Variants in CAMTA1 observed in about 807,000 individuals in gnomAD.
CAMTA1 encodes the protein calmodulin-binding transcription activator 1.
In CAMTA1, 27 loss-of-function variants were observed where a neutral mutation model predicts 170.9. The ratio of observed to expected loss-of-function variants is 0.16; its 90% confidence interval spans 0.12 to 0.22. The LOEUF is 0.22. CAMTA1 is among the 10% of genes least tolerant of loss of function. The pLI is 1.00. For synonymous variants in CAMTA1, 833 were observed against 891.5 expected, an observed-to-expected ratio of 0.93 and a Z score of 1.17; for missense variants, 1,619 against 2,217.2, an observed-to-expected ratio of 0.73 and a Z score of 5.42.
chr1:7,365,826 G>T (rs1350258028), intron 5 of CAMTA1, among the ~76,000 whole-genome samples: 3 of 152,180 alleles, frequency 2.0e-5, no homozygotes, highest in African/African-American at 7.2e-5. Flanking sequence ...CAGGGGAGCT[G>T]GTTCCACCCA....
chr1:7,499,976 C>T (rs1358336212), intron 6 of CAMTA1, among the ~76,000 whole-genome samples: 4 of 136,458 alleles, frequency 2.9e-5, no homozygotes, highest in Non-Finnish European at 4.6e-5. Context: ...GCCTGGTGTG[C>T]GTGCATAGGT....
intron 3 of CAMTA1, among the ~76,000 whole-genome samples, chr1:7,085,557 G>A (rs1335940980): frequency 1.3e-5 from 2 of 152,272 alleles, no homozygotes; most frequent in African/African-American, 2.4e-5. Context: ...TGCTGAGAAC[G>A]TTCCAGAAGC....
intron 6 of CAMTA1, among the ~76,000 whole-genome samples, chr1:7,613,137 G>T (rs1162353488): frequency 6.6e-6 from 1 of 152,214 alleles, no homozygotes; most frequent in Admixed American, 6.5e-5. Flanking sequence ...CAGGAGAGAA[G>T]AGCAGGAAGA....
chr1:7,589,221 G>A lies in CAMTA1; in HGVS notation c.511-51179G>A, dbSNP rs1006033662. ...TCCTGGCAGAGCCAGGCCTTTACTG[G>A]GCACTGGGCTGGGCATTGTGCCTGT... On this transcript the variant is annotated intron_variant, in intron 6 of 22. Coordinates refer to ENST00000303635, the MANE Select transcript of CAMTA1 (RefSeq NM_015215.4). Among the ~76,000 whole-genome samples the A allele has an allele frequency of 3.3e-5, 5 of 152,172 alleles. No homozygotes were observed. In the South Asian group the frequency reaches 1.0e-3, roughly 31 times the overall value.
chr1:7,749,223 A>G (rs1217270438), intron 19 of CAMTA1, among the ~76,000 whole-genome samples: 4 of 152,216 alleles, frequency 2.6e-5, no homozygotes, highest in Non-Finnish European at 4.4e-5. Context: ...TAGGGATTCT[A>G]TCACCTTGTC....
chr1:7,058,556 A>G (rs1392693625), intron 3 of CAMTA1, among the ~76,000 whole-genome samples: 1 of 152,160 alleles, frequency 6.6e-6, no homozygotes, highest in African/African-American at 2.4e-5. Context: ...GAATGAATGA[A>G]TAAGCAAAGA....
chr1:7,129,919 T>TTGTGTGTGTGTG (rs3058550), intron 4 of CAMTA1, among the ~76,000 whole-genome samples: 7 of 147,040 alleles, frequency 4.8e-5, no homozygotes, highest in African/African-American at 1.8e-4. Context: ...CTACCTTCTT[T>TTGTGTGTGTGTG]TGTGTGTGTG....
chr1:7,336,203 C>T (rs936458361), intron 5 of CAMTA1, among the ~76,000 whole-genome samples: 1 of 152,176 alleles, frequency 6.6e-6, no homozygotes. Flanking sequence ...CCCACCTGGT[C>T]CCCCATGAAG....
chr1:7,550,407 G>C (rs2094782628), intron 6 of CAMTA1, among the ~76,000 whole-genome samples: 2 of 151,834 alleles, frequency 1.3e-5, no homozygotes, highest in South Asian at 4.1e-4. Context: ...GGGAAGCCCA[G>C]GGCCTCCCAC....
intron 4 of CAMTA1, among the ~76,000 whole-genome samples, chr1:7,143,193 C>T (rs1645987446): frequency 6.6e-6 from 1 of 152,066 alleles, no homozygotes; most frequent in South Asian, 2.1e-4. Flanking sequence ...CGGGGTGGGC[C>T]GAGACTCAGG....
chr1:7,284,180 A>ATTTGCTGCTGTTC (rs1557438616), intron 5 of CAMTA1, among the ~76,000 whole-genome samples: 1 of 80,884 alleles, frequency 1.2e-5, no homozygotes, highest in Non-Finnish European at 2.5e-5. Context: ...TCTTCTTCTT[A>ATTTGCTGCTGTTC]TTATTATTAT....
intron 6 of CAMTA1, among the ~76,000 whole-genome samples, chr1:7,490,053 C>A (rs1199896053): frequency 3.3e-5 from 5 of 152,170 alleles, no homozygotes; most frequent in African/African-American, 1.2e-4. Flanking sequence ...AAGCCCTCCG[C>A]GGCAGCCTCT....
At chr1:6,794,880 C>CTTTTTTTTTT (rs1305335139) in intron 1 of CAMTA1, among the ~76,000 whole-genome samples, 35 of 141,912 alleles carry the variant, frequency 2.5e-4, no homozygotes, top group East Asian at 8.3e-4. Flanking sequence ...TAGATAAAGG[C>CTTTTTTTTTT]TTTTTTTTTG....
intron 3 of CAMTA1, among the ~76,000 whole-genome samples, chr1:6,835,231 C>T (rs1360389372): frequency 6.6e-6 from 1 of 152,190 alleles, no homozygotes; most frequent in African/African-American, 2.4e-5. Context: ...AAATGAGGAT[C>T]CAGTTTGGGC....
At chr1:7,199,884 G>C (rs1022310150) in intron 4 of CAMTA1, among the ~76,000 whole-genome samples, 12 of 152,136 alleles carry the variant, frequency 7.9e-5, no homozygotes, top group African/African-American at 2.9e-4. Context: ...CAGTTATTGC[G>C]TACCTGGCCC....
At position 7,597,139 on chromosome 1, in the gene CAMTA1, C is replaced by T. The variant is rs140316461; in HGVS notation, c.511-43261C>T. Among the ~76,000 whole-genome samples the T allele has an allele frequency of 3.9e-3, 593 of 152,298 alleles. 4 individuals are homozygous for T. Among genetic ancestry groups the T allele is most frequent in the African/African-American group, 0.013 (533 of 41,568 alleles). ...GCCCACTTACCCAGTGGACACGAGC[C>T]CACTGAGTAGGCAAGGGTCTTGGAC... On this transcript the variant is annotated intron_variant, in intron 6 of 22. Coordinates refer to ENST00000303635, the MANE Select transcript of CAMTA1 (RefSeq NM_015215.4).
chr1:7,266,194 C>T (rs991735340), intron 5 of CAMTA1, among the ~76,000 whole-genome samples: 3 of 149,792 alleles, frequency 2.0e-5, no homozygotes, highest in African/African-American at 4.9e-5. Flanking sequence ...AGAGCGGGGG[C>T]GTGCTTGGCA....
intron 4 of CAMTA1, among the ~76,000 whole-genome samples, chr1:7,242,739 T>G (rs1268186444): frequency 6.6e-6 from 1 of 151,644 alleles, no homozygotes; most frequent in Admixed American, 6.6e-5. Context: ...CCATCCTGGC[T>G]AACACAGTGA....
At chr1:6,923,597 G>A (rs944923926) in intron 3 of CAMTA1, among the ~76,000 whole-genome samples, 3 of 152,136 alleles carry the variant, frequency 2.0e-5, no homozygotes, top group Non-Finnish European at 2.9e-5. Flanking sequence ...GGAGGGTGGC[G>A]GGGCTGGGGG....
Sources: allele counts gnomAD v4.1 joint callset (sites outside exome capture counted in the v4.1 genomes callset), GRCh38; gene constraint gnomAD v4.1.1; transcripts MANE v1.5; gene names NCBI Gene and HGNC (gene_info 2026-07-23, HGNC 2026-07-21).